Variants in PDE8B observed in about 807,000 individuals in gnomAD.
PDE8B encodes the protein phosphodiesterase 8B, also known as high affinity cAMP-specific and IBMX-insensitive 3',5'-cyclic phosphodiesterase 8B.
PDE8B carries 26 observed loss-of-function variants against 101.3 expected under a neutral mutation model. The observed-to-expected ratio is 0.26, with a 90% CI of 0.19 to 0.36. The LOEUF (loss-of-function observed/expected upper bound fraction) is 0.36, where lower values mean the gene tolerates loss of function less well. Among genes scored for constraint, PDE8B ranks in the 10% least tolerant of loss-of-function variants. The probability of loss-of-function intolerance (pLI) is 1.00; values close to 1 mark genes in which losing one functional copy is unlikely to be tolerated. For synonymous variants in PDE8B, 424 were observed against 429.3 expected (o/e 0.99, Z 0.15); for missense variants, 810 against 1,163.1 (o/e 0.70, Z 4.42).
the PDE8B span, among the ~76,000 whole-genome samples, chr5:77,174,588 C>G: frequency 6.6e-6 from 1 of 152,190 alleles, no homozygotes; most frequent in South Asian, 2.1e-4. Flanking sequence ...TCTCCGTTTT[C>G]TAGCTCTTCG....
At chr5:77,392,736 A>G (rs983189847) in intron 10 of PDE8B, among the ~76,000 whole-genome samples, 2 of 152,154 alleles carry the variant, frequency 1.3e-5, no homozygotes, top group Non-Finnish European at 2.9e-5. Context: ...ATGGTCTCTT[A>G]GCCTGTAGGG....
At chr5:77,162,050 A>T in the PDE8B span, among the ~76,000 whole-genome samples, 1 of 151,376 alleles carries the variant, frequency 6.6e-6, no homozygotes, top group African/African-American at 2.4e-5. Flanking sequence ...AAATAAATAA[A>T]CTCTCCTGGA....
intron 10 of PDE8B, among the ~76,000 whole-genome samples, chr5:77,365,054 A>G (rs142300966): frequency 2.6e-5 from 4 of 152,272 alleles, no homozygotes; most frequent in African/African-American, 4.8e-5. Flanking sequence ...GGAAATCCCT[A>G]CAGGAGGAAC....
At chr5:77,220,779 G>A (rs1283041216) in intron 1 of PDE8B, among the ~76,000 whole-genome samples, 1 of 152,222 alleles carries the variant, frequency 6.6e-6, no homozygotes, top group African/African-American at 2.4e-5. Context: ...TGATGAAGCA[G>A]ATGAGGGAGA....
intron 17 of PDE8B, among the ~76,000 whole-genome samples, chr5:77,417,694 C>A (rs933977314): frequency 6.6e-6 from 1 of 152,138 alleles, no homozygotes; most frequent in Non-Finnish European, 1.5e-5. Flanking sequence ...TTGCAAGAAC[C>A]CCTTTAGCCT....
intron 10 of PDE8B, 123 bp from the exon 11 acceptor site, chr5:77,400,125 T>C (rs1791941114): frequency 2.7e-6 from 2 of 735,194 alleles, no homozygotes; most frequent in Non-Finnish European, 4.9e-6. Context: ...TCATATTATA[T>C]GTGCAGCTTC....
the PDE8B span, among the ~76,000 whole-genome samples, chr5:77,166,357 A>C: frequency 2.0e-5 from 3 of 152,212 alleles, no homozygotes; most frequent in African/African-American, 7.2e-5. Context: ...TGGGATACAA[A>C]ATGAGAAGGG....
At chr5:77,328,115 T>C (rs1353693939) in intron 3 of PDE8B, among the ~76,000 whole-genome samples, 1 of 152,194 alleles carries the variant, frequency 6.6e-6, no homozygotes, top group Non-Finnish European at 1.5e-5. Context: ...CATGGTTCCC[T>C]TCCAAGATAT....
chr5:77,356,700 G>T (rs1276042857), intron 10 of PDE8B, among the ~76,000 whole-genome samples: 2 of 152,192 alleles, frequency 1.3e-5, no homozygotes, highest in Non-Finnish European at 2.9e-5. Context: ...GAAGTGCTGG[G>T]ATTACAGGTG....
At chr5:77,148,670 G>A in the PDE8B span, 1 of 152,100 alleles carries the variant, frequency 6.6e-6, no homozygotes, top group Non-Finnish European at 1.5e-5. Flanking sequence ...AGCCATTTAT[G>A]TACATTCTTT....
chr5:77,367,551 T>G (rs979195682), intron 10 of PDE8B, among the ~76,000 whole-genome samples: 1 of 84,212 alleles, frequency 1.2e-5, no homozygotes, highest in Admixed American at 1.2e-4. Context: ...TTTTTTTTTT[T>G]GACAGAGTCT....
At chr5:77,393,903 T>C (rs1192309689) in intron 10 of PDE8B, among the ~76,000 whole-genome samples, 1 of 152,224 alleles carries the variant, frequency 6.6e-6, no homozygotes, top group African/African-American at 2.4e-5. Flanking sequence ...AAGTTAGTCT[T>C]TCCAAAGGAC....
the PDE8B span, among the ~76,000 whole-genome samples, chr5:77,204,360 G>A: frequency 4.0e-5 from 6 of 149,488 alleles, no homozygotes; most frequent in Middle Eastern, 3.5e-3. Context: ...GCAGTGAGCC[G>A]AGATCGCACC....
intron 21 of PDE8B, chr5:77,426,166 T>C: frequency 1.7e-6 from 1 of 589,326 alleles, no homozygotes; most frequent in South Asian, 2.0e-5. Context: ...CTTACTGCAG[T>C]GTTTTTCTGT....
At chr5:77,408,404 C>T (rs1459533091) in intron 13 of PDE8B, among the ~76,000 whole-genome samples, 2 of 152,038 alleles carry the variant, frequency 1.3e-5, no homozygotes, top group Non-Finnish European at 2.9e-5. Context: ...TATGTGATTT[C>T]TATGGAGAGA....
At chr5:77,389,869 T>C (rs1054065518) in intron 10 of PDE8B, among the ~76,000 whole-genome samples, 1 of 152,208 alleles carries the variant, frequency 6.6e-6, no homozygotes, top group South Asian at 2.1e-4. Context: ...CAGGGCTGTT[T>C]CCAGCTTTTG....
At chr5:77,426,168 T>A in intron 21 of PDE8B, 1 of 588,808 alleles carries the variant, frequency 1.7e-6, no homozygotes, top group Non-Finnish European at 3.0e-6. Flanking sequence ...TACTGCAGTG[T>A]TTTTCTGTCG....
intron 16 of PDE8B, 103 bp downstream of exon 16, chr5:77,412,338 T>C: frequency 8.5e-7 from 1 of 1,173,378 alleles, no homozygotes; most frequent in Admixed American, 1.7e-5. Flanking sequence ...GTGAGAGACC[T>C]CACGGGTTCT....
chr5:77,350,333 A>T (rs1382295886), intron 8 of PDE8B, among the ~76,000 whole-genome samples: 1 of 152,212 alleles, frequency 6.6e-6, no homozygotes, highest in East Asian at 1.9e-4. Context: ...ACCAAAAAGG[A>T]AACAAGACAT....
Sources: gnomAD v4.1 joint callset for allele counts (sites outside exome capture counted in the v4.1 genomes callset) on GRCh38, gnomAD v4.1.1 for gene constraint, MANE v1.5 for transcripts, NCBI Gene and HGNC (gene_info 2026-07-23, HGNC 2026-07-21) for gene names.